Variants in FBXL18 observed in about 807,000 individuals in gnomAD.
The protein encoded by FBXL18 is F-box/LRR-repeat protein 18.
In FBXL18, 36 loss-of-function variants were observed where a neutral mutation model predicts 46.0. That is an observed-to-expected ratio of 0.78 (90% confidence interval 0.60 to 1.03). FBXL18 has a LOEUF of 1.03. Among genes scored for constraint, FBXL18 ranks in the 50% least tolerant of loss-of-function variants. FBXL18 has a pLI of 0.00. For missense variants in FBXL18, 977 were observed against 1,004.1 expected (o/e 0.97, Z 0.36); for synonymous variants, 557 against 465.3 (o/e 1.20, Z -2.54).
intron 4 of FBXL18, among the ~76,000 whole-genome samples, chr7:5,463,195 G>C (rs1181963632): frequency 6.6e-6 from 1 of 151,122 alleles, no homozygotes; most frequent in Non-Finnish European, 1.5e-5. Flanking sequence ...CTCAAATATT[G>C]CTGGTGGGAA....
At chr7:5,503,190 G>A (rs541664081) in intron 2 of FBXL18, among the ~76,000 whole-genome samples, 2 of 152,350 alleles carry the variant, frequency 1.3e-5, no homozygotes, top group African/African-American at 4.8e-5. Context: ...AGACCAGCTT[G>A]GGAAACATAG....
At chr7:5,484,401 G>A (rs1157431434) in intron 4 of FBXL18, among the ~76,000 whole-genome samples, 1 of 151,244 alleles carries the variant, frequency 6.6e-6, no homozygotes, top group Non-Finnish European at 1.5e-5. Flanking sequence ...AACCTGGAAG[G>A]TGAGCTTGCA....
chr7:5,500,961 G>GGGCGCGCGGTCGGCGCGC lies in FBXL18; in HGVS notation c.1290_1307dup (p.Arg431_Pro436dup). On this transcript the variant is annotated inframe_insertion, in exon 3 of 5. Transcript: ENST00000382368. ...GCACTGCGTGCATGGCCGGCTGGGCGGGCGCGCGGTCGGCGCGCGGCGCGG... is the reference window on the plus strand; with the variant it reads ...GCACTGCGTGCATGGCCGGCTGGGCGGGCGCGCGGTCGGCGCGCGGCGCGCGGTCGGCGCGCGGCGCGG... 1 of 1,535,048 alleles carries GGGCGCGCGGTCGGCGCGC rather than the reference G, an allele frequency of 6.5e-7. No individual in the cohort carries two copies. Among genetic ancestry groups the GGGCGCGCGGTCGGCGCGC allele is most frequent in the Non-Finnish European group, 8.7e-7 (1 of 1,146,634 alleles).
intron 4 of FBXL18, among the ~76,000 whole-genome samples, chr7:5,461,868 G>A (rs996777910): frequency 6.6e-6 from 1 of 152,176 alleles, no homozygotes; most frequent in African/African-American, 2.4e-5. Context: ...TTGAGCTTGG[G>A]AGGCAGAGGT....
chr7:5,454,678 G>A (rs1163918730), intron 4 of FBXL18, among the ~76,000 whole-genome samples: 5 of 152,204 alleles, frequency 3.3e-5, no homozygotes. Flanking sequence ...GGCTCAGAGA[G>A]GTTCAGGAAG....
At chr7:5,489,980 C>T (rs1783875448) in intron 4 of FBXL18, 1 of 1,283,520 alleles carries the variant, frequency 7.8e-7, no homozygotes, top group Non-Finnish European at 1.0e-6. Context: ...GATGCATAGT[C>T]TAAATTTTTA....
intron 1 of FBXL18, among the ~76,000 whole-genome samples, chr7:5,507,748 C>T (rs1024718656): frequency 2.6e-5 from 4 of 151,692 alleles, no homozygotes; most frequent in African/African-American, 4.8e-5. Context: ...GCAGGAGAAT[C>T]GCTTGAACCC....
chr7:5,492,639 G>A (rs1783960174), intron 3 of FBXL18, among the ~76,000 whole-genome samples: 1 of 152,078 alleles, frequency 6.6e-6, no homozygotes, highest in Non-Finnish European at 1.5e-5. Context: ...GGAGTTAAGA[G>A]GAGGATGCAT....
In FBXL18 at chr7:5,500,587, C is replaced by A. The variant is rs370750216; in HGVS notation, c.1682G>T (p.Arg561Leu). 3 of 1,613,354 alleles carry A rather than the reference C, an allele frequency of 1.9e-6. No individual in the cohort carries two copies. The highest frequency in any genetic ancestry group is 2.5e-6 in the Non-Finnish European group (3 of 1,179,886). ...GCCCAGGTTGGCCAGCGACAGGGAC[C>A]GCAACTGCTGGCACTGCAGGCCGAT... is the stretch of plus-strand genomic sequence containing the variant. The part of the protein sequence containing the change: ...VNIGLQCQQL[R>L]SLSLANLGMM... The change falls in exon 3 of 5, where the codon CGG (arginine) becomes CTG (leucine). Residue 561 changes from arginine (R) to leucine (L), a missense_variant. Transcript: ENST00000382368.
intron 1 of FBXL18, among the ~76,000 whole-genome samples, chr7:5,506,913 G>C (rs1279684516): frequency 6.6e-6 from 1 of 152,136 alleles, no homozygotes; most frequent in Non-Finnish European, 1.5e-5. Flanking sequence ...TCCCTAATGT[G>C]GGCCTGAGTC....
Position 5,481,523 on chromosome 7 carries a change from G to C in FBXL18, c.*252C>G, listed in dbSNP as rs1783644598. On this transcript the variant is annotated 3_prime_UTR_variant, in exon 5 of 5. Coordinates refer to ENST00000382368, the MANE Select transcript of FBXL18 (RefSeq NM_024963.6). ...AGGCCCCAAGGGTCAGCCTGGTTCA[G>C]CCAGCCCCCCACATCGACCGTCCCC... 2 of 445,674 alleles carry C rather than the reference G, an allele frequency of 4.5e-6. No homozygotes were observed. The highest frequency in any genetic ancestry group is 2.3e-5 in the South Asian group (1 of 43,072). The allele number at this position is 445,674 out of a possible 1,614,324, so 27.6% of individuals were successfully genotyped here.
At chr7:5,458,795 CA>C (rs1374520877) in intron 4 of FBXL18, among the ~76,000 whole-genome samples, 1 of 151,982 alleles carries the variant, frequency 6.6e-6, no homozygotes, top group African/African-American at 2.4e-5. Context: ...CGGAGGCAAA[CA>C]ATGTCTTAAC....
intron 4 of FBXL18, among the ~76,000 whole-genome samples, chr7:5,464,827 G>T (rs1422618559): frequency 7.3e-5 from 11 of 151,622 alleles, no homozygotes; most frequent in Middle Eastern, 3.4e-3. Context: ...ACTTTGGGAG[G>T]CCGAGGTGGG....
intron 4 of FBXL18, among the ~76,000 whole-genome samples, chr7:5,462,970 ATATATAT>A (rs1473153630): frequency 7.2e-5 from 1 of 13,824 alleles, no homozygotes; most frequent in Non-Finnish European, 1.7e-4. Context: ...AAAAAAAAAA[ATATATAT>A]ATATATATAT....
downstream of FBXL18, among the ~76,000 whole-genome samples, chr7:5,473,285 C>G (rs1783457780): frequency 6.6e-6 from 1 of 152,088 alleles, no homozygotes. Context: ...TGTGAGGGGC[C>G]CCACCCTGGC....
At chr7:5,454,591 A>C (rs546342995) in intron 4 of FBXL18, among the ~76,000 whole-genome samples, 3 of 152,284 alleles carry the variant, frequency 2.0e-5, no homozygotes, top group Admixed American at 6.5e-5. Flanking sequence ...CTGATTTCTG[A>C]GAAGCAGGAG....
chr7:5,489,683 G>A (rs111459330), intron 4 of FBXL18: 65 of 224,866 alleles, frequency 2.9e-4, no homozygotes, highest in African/African-American at 1.4e-3. Context: ...GGAGGTTGAG[G>A]CAGGAGAATG....
downstream of FBXL18, among the ~76,000 whole-genome samples, chr7:5,474,739 G>C (rs572482018): frequency 6.9e-6 from 1 of 145,498 alleles, no homozygotes. Flanking sequence ...ACAGAGTCTC[G>C]CTCTGTCACC....
intron 3 of FBXL18, among the ~76,000 whole-genome samples, chr7:5,493,863 G>A (rs1783999980): frequency 1.3e-5 from 2 of 152,006 alleles, no homozygotes; most frequent in Non-Finnish European, 2.9e-5. Flanking sequence ...GCCAGGTGCG[G>A]TGGCTCACGT....
Sources: gnomAD v4.1 joint callset for allele counts (sites outside exome capture counted in the v4.1 genomes callset) on GRCh38, gnomAD v4.1.1 for gene constraint, MANE v1.5 for transcripts, NCBI Gene and HGNC (gene_info 2026-07-23, HGNC 2026-07-21) for gene names.